Variants in CDH23 observed in about 807,000 individuals in gnomAD.
The protein encoded by CDH23 is cadherin-23.
In CDH23, 189 loss-of-function variants were observed where a neutral mutation model predicts 317.1. The observed-to-expected ratio is 0.60, with a 90% confidence interval of 0.53 to 0.67. The LOEUF is 0.67. CDH23 is among the 30% of genes least tolerant of loss of function. The pLI is 0.00. For synonymous variants in CDH23, 1,839 were observed against 1,876.8 expected (o/e 0.98, Z 0.52); for missense variants, 4,401 against 4,592.4 (o/e 0.96, Z 1.20).
intron 9 of CDH23, among the ~76,000 whole-genome samples, chr10:71,605,557 T>C (rs1860482649): frequency 6.6e-6 from 1 of 152,256 alleles, no homozygotes; most frequent in African/African-American, 2.4e-5. Context: ...ACTCAGATAA[T>C]CTGTGTTCAC....
chr10:71,815,139 G>A lies in CDH23; in HGVS notation c.9926G>A (p.Gly3309Asp), dbSNP rs780391372. ...SLPEEDQKGL[G>D]RSLETLTAAE... ...CCCGAGGAAGACCAGAAGGGCCTGG[G>A]CCGCTCGCTGGAGACGCTGACCGCT... Residue 3309 changes from glycine to aspartate, a missense_variant, in exon 70 of 70, where the codon GGC becomes GAC. Around this residue, in one of 3 missense-constraint regions of CDH23, gnomAD observed 1,144 missense variants for 1,138.2 expected, o/e 1.01. Transcript: ENST00000224721. The A allele has an allele frequency of 1.2e-6, 2 of 1,610,716 alleles. No homozygotes were observed. Among genetic ancestry groups the A allele is most frequent in the Non-Finnish European group, 8.5e-7 (1 of 1,178,864 alleles).
intron 9 of CDH23, among the ~76,000 whole-genome samples, chr10:71,582,604 A>G (rs1858716926): frequency 6.6e-6 from 1 of 152,160 alleles, no homozygotes. Context: ...CCTTCTAAGC[A>G]TCCGTTTTCC....
At position 71,709,169 on chromosome 10, in the gene CDH23, C is replaced by A. The variant is rs201536811; in HGVS notation, c.3178C>A (p.Arg1060=). Reference sequence around the variant, plus strand: ...TGTGAGAACCGTGGTGGGCCTGGACCGGGAGACCACAGCCGCCTACATGCT... The same window carrying A: ...TGTGAGAACCGTGGTGGGCCTGGACAGGGAGACCACAGCCGCCTACATGCT... ...AVVRTVVGLD[R]ETTAAYMLIL... is the part of the protein sequence containing the mutation. Residue 1060 remains arginine (R), a synonymous_variant, in exon 27 of 70, where the codon CGG becomes AGG. Coordinates refer to ENST00000224721, the MANE Select transcript of CDH23 (RefSeq NM_022124.6). 5 of 1,613,830 alleles carry A rather than the reference C, an allele frequency of 3.1e-6. No individual in the cohort carries two copies. The African/African-American group carries it at 6.7e-5, about 22-fold the overall frequency.
At chr10:71,412,857 T>A (rs1036366550) in intron 1 of CDH23, among the ~76,000 whole-genome samples, 5 of 152,218 alleles carry the variant, frequency 3.3e-5, no homozygotes, top group African/African-American at 1.2e-4. Context: ...GACTTGTAGG[T>A]GATCTTTATA....
chr10:71,771,616 T>C (rs1190523206), intron 38 of CDH23, among the ~76,000 whole-genome samples: 1 of 152,232 alleles, frequency 6.6e-6, no homozygotes, highest in African/African-American at 2.4e-5. Context: ...CCCAGAGCAA[T>C]TCAAATGCTT....
chr10:71,707,320 T>C, intron 26 of CDH23: 1 of 1,421,758 alleles, frequency 7.0e-7, no homozygotes, highest in Non-Finnish European at 9.2e-7. Context: ...AGGTTCATTC[T>C]AGAGGGAGGT....
intron 38 of CDH23, chr10:71,761,914 A>ATCG: frequency 6.2e-7 from 1 of 1,614,084 alleles, no homozygotes; most frequent in South Asian, 1.1e-5. Flanking sequence ...AGAAGGTCAC[A>ATCG]TCGTGCCCTT....
chr10:71,417,782 G>C (rs1419352590), intron 1 of CDH23, among the ~76,000 whole-genome samples: 4 of 152,114 alleles, frequency 2.6e-5, no homozygotes, highest in African/African-American at 9.7e-5. Context: ...GCTAATTTTT[G>C]TATGTTTTGT....
rs557933627 is a variant in CDH23, at chr10:71,482,980, C to A, written c.146-27102C>A. ...TCCAGCAGGAATTGATCATGTGGGT[C>A]TTGGTACAAAGGACATTGAGAGGTG... On this transcript the variant is annotated intron_variant, in intron 3 of 69. Transcript: ENST00000224721. Among the ~76,000 whole-genome samples, 213 of 152,314 alleles carry A rather than the reference C, an allele frequency of 1.4e-3. 1 individual carries two copies. Among genetic ancestry groups the A allele is most frequent in the Non-Finnish European group, 2.6e-3 (174 of 68,038 alleles).
intron 6 of CDH23, among the ~76,000 whole-genome samples, chr10:71,515,867 T>A (rs984394124): frequency 1.3e-5 from 2 of 152,238 alleles, no homozygotes; most frequent in African/African-American, 2.4e-5. Context: ...AATAAGTGAA[T>A]GTCTAACTAC....
intron 3 of CDH23, among the ~76,000 whole-genome samples, chr10:71,498,605 G>A (rs1042085177): frequency 2.0e-5 from 3 of 152,266 alleles, no homozygotes; most frequent in African/African-American, 7.2e-5. Flanking sequence ...CCCAGGCAGT[G>A]TTTGCTGAGG....
chr10:71,425,003 C>T (rs970127294), intron 1 of CDH23, among the ~76,000 whole-genome samples: 3 of 152,068 alleles, frequency 2.0e-5, no homozygotes, highest in African/African-American at 4.8e-5. Context: ...CAGACAAGGA[C>T]GCTGAGGCCT....
chr10:71,762,624 G>A (rs571310559), intron 38 of CDH23, among the ~76,000 whole-genome samples: 1 of 152,188 alleles, frequency 6.6e-6, no homozygotes, highest in South Asian at 2.1e-4. Flanking sequence ...CCAGCCCTCA[G>A]GGCACTTGGA....
intron 33 of CDH23, 108 bp downstream of exon 33, chr10:71,734,449 C>G: frequency 6.7e-7 from 1 of 1,481,760 alleles, no homozygotes; most frequent in South Asian, 1.2e-5. Context: ...AGGCAGCGGG[C>G]GAGGGTCTTG....
chr10:71,769,550 T>C (rs986090333), intron 38 of CDH23, among the ~76,000 whole-genome samples: 1 of 152,168 alleles, frequency 6.6e-6, no homozygotes, highest in African/African-American at 2.4e-5. Context: ...GATAAGCAAA[T>C]GACTGAAGCT....
chr10:71,778,456 C>A, intron 40 of CDH23, 148 bp downstream of exon 40: 1 of 1,076,150 alleles, frequency 9.3e-7, no homozygotes, highest in Non-Finnish European at 1.3e-6. Flanking sequence ...CAGCAACTCA[C>A]TCAAACTTGC....
Position 71,724,049 on chromosome 10 carries a change from A to C in CDH23, c.3374A>C (p.Lys1125Thr). The C allele has an allele frequency of 6.4e-7, 1 of 1,559,106 alleles. No individual in the cohort carries two copies. The highest frequency in any genetic ancestry group is 8.7e-7 in the Non-Finnish European group (1 of 1,151,038). The change falls in exon 29 of 70, where the codon AAA (lysine) becomes ACA (threonine). Residue 1125 changes from lysine (K) to threonine (T), a missense_variant. Transcript: ENST00000224721. ...IPEGHSILQLKATDADEGEFG... is the reference protein window; with the variant it reads ...IPEGHSILQLTATDADEGEFG... Reference sequence around the variant, plus strand: ...TCGTGTCTCATTCTTCCTCAGCTGAAAGCCACGGACGCAGATGAGGGCGAG... The same window carrying C: ...TCGTGTCTCATTCTTCCTCAGCTGACAGCCACGGACGCAGATGAGGGCGAG...
intron 9 of CDH23, among the ~76,000 whole-genome samples, chr10:71,579,912 G>T (rs1284175173): frequency 6.6e-6 from 1 of 152,218 alleles, no homozygotes; most frequent in Non-Finnish European, 1.5e-5. Context: ...GCAGGAAGGG[G>T]GTGCTGGGCT....
At position 71,590,887 on chromosome 10, in the gene CDH23, C is replaced by CAAA. The variant is rs761301469; in HGVS notation, c.832+12902_832+12904dup. On this transcript the variant is annotated intron_variant, in intron 9 of 69. Coordinates refer to ENST00000224721, the MANE Select transcript of CDH23 (RefSeq NM_022124.6). ...GACCCTGTCTCTAAAAAAAAAAAAA[C>CAAA]AAAAAAAAACAAAAAAAAACACCAG... Among the ~76,000 whole-genome samples the CAAA allele has an allele frequency of 1.9e-4, 18 of 92,746 alleles. 1 individual carries two copies. The highest frequency in any genetic ancestry group is 3.2e-4 in the East Asian group (1 of 3,174). 60.8% of individuals were successfully genotyped at this position (92,746 alleles called of 152,430 possible). A position where few individuals can be genotyped will look rare whatever the true frequency, so the allele number is the denominator to read the frequency against.
Sources: gnomAD v4.1 joint callset for allele counts (sites outside exome capture counted in the v4.1 genomes callset) on GRCh38, gnomAD v4.1.1 for gene constraint, gnomAD v4.1.1 regional missense constraint, MANE v1.5 for transcripts, NCBI Gene and HGNC (gene_info 2026-07-23, HGNC 2026-07-21) for gene names.